The following UTP18 variants were observed in gnomAD, a reference collection of about 807,000 sequenced individuals.
The protein encoded by UTP18 is U3 small nucleolar RNA-associated protein 18 homolog.
In UTP18, 36 loss-of-function variants were observed where a neutral mutation model predicts 61.1. That is an observed-to-expected ratio of 0.59 (90% CI 0.45 to 0.78). The LOEUF is 0.78. UTP18 is among the 30% of genes least tolerant of loss of function. UTP18 has a pLI of 0.00. For missense variants in UTP18, 753 were observed against 693.9 expected, an observed-to-expected ratio of 1.09 and a Z score of -0.96; for synonymous variants, 282 against 251.1, an observed-to-expected ratio of 1.12 and a Z score of -1.16.
intron 3 of UTP18, among the ~76,000 whole-genome samples, chr17:51,267,986 G>C (rs959799394): frequency 6.7e-6 from 1 of 149,662 alleles, no homozygotes; most frequent in Non-Finnish European, 1.5e-5. Context: ...CCAGGTACCA[G>C]TTGTTGTTTT....
intron 11 of UTP18, among the ~76,000 whole-genome samples, chr17:51,289,625 A>G (rs569483032): frequency 3.3e-5 from 5 of 152,200 alleles, no homozygotes; most frequent in East Asian, 1.9e-4. Flanking sequence ...GGCAGAGCCA[A>G]TTTTCTCATT....
intron 12 of UTP18, among the ~76,000 whole-genome samples, chr17:51,294,998 C>A (rs1347162359): frequency 6.6e-6 from 1 of 151,916 alleles, no homozygotes; most frequent in Non-Finnish European, 1.5e-5. Flanking sequence ...GCATAAATGT[C>A]TTCTTTTGAG....
intron 3 of UTP18, among the ~76,000 whole-genome samples, chr17:51,266,515 A>G (rs183862413): frequency 7.2e-4 from 109 of 152,326 alleles, no homozygotes; most frequent in African/African-American, 2.4e-3. Context: ...AATATTGCTT[A>G]CTTGTTCATT....
intron 4 of UTP18, 133 bp downstream of exon 4, chr17:51,269,037 A>G (rs1904409724): frequency 2.3e-6 from 2 of 860,088 alleles, no homozygotes; most frequent in East Asian, 5.7e-5. Flanking sequence ...CTGTCATCCC[A>G]GTGCTTTGGG....
rs1408346196 is a variant in UTP18 at position 51,260,862 on chromosome 17, A to G, written c.278A>G (p.Glu93Gly). The change falls in exon 1 of 14, where the codon GAG (glutamate) becomes GGG (glycine). Residue 93 changes from glutamate (E) to glycine (G), a missense_variant. Coordinates refer to ENST00000225298, the MANE Select transcript of UTP18 (RefSeq NM_016001.3). ...CCGGCCGTGGAGCGGTGCTTGGAGG[A>G]GCTGGTCTTCGGCGACGTCGAGAAC... is the stretch of plus-strand genomic sequence containing the variant. ...DKPAVERCLE[E>G]LVFGDVENDE... 3 of 1,601,564 alleles carry G rather than the reference A, an allele frequency of 1.9e-6. No homozygotes were observed. In the South Asian group the frequency reaches 3.4e-5, roughly 18 times the overall value.
At chr17:51,272,225 A>G (rs1464949172) in intron 4 of UTP18, among the ~76,000 whole-genome samples, 1 of 151,964 alleles carries the variant, frequency 6.6e-6, no homozygotes, top group Non-Finnish European at 1.5e-5. Context: ...CAGCCTCCCA[A>G]GTAGCTGGGA....
chr17:51,273,490 T>TA, intron 5 of UTP18, 40 bp downstream of exon 5: 1 of 1,479,968 alleles, frequency 6.8e-7, no homozygotes, highest in Non-Finnish European at 9.3e-7. Context: ...TCTAACTACT[T>TA]ACCTCTGCAG....
chr17:51,284,251 A>C (rs1263667794), intron 9 of UTP18, among the ~76,000 whole-genome samples: 1 of 152,202 alleles, frequency 6.6e-6, no homozygotes, highest in African/African-American at 2.4e-5. Context: ...TGAACTTTAG[A>C]GCAATATCCT....
At position 51,296,959 on chromosome 17, in the gene UTP18, T is replaced by C; in HGVS notation, c.1647-6T>C. ...TGTTCAGATGACTTATTTTTTACTT[T>C]TCCAGGTTGCACCATTACTCAGACT... On this transcript the variant is annotated splice_region_variant and splice_polypyrimidine_tract_variant and intron_variant, in intron 12 of 13. Transcript: ENST00000225298. 1 of 1,606,254 alleles carries C rather than the reference T, an allele frequency of 6.2e-7. No homozygotes were observed. The highest frequency in any genetic ancestry group is 8.5e-7 in the Non-Finnish European group (1 of 1,177,182).
intron 1 of UTP18, 85 bp from the exon 2 acceptor site, chr17:51,263,189 A>T: frequency 9.4e-7 from 1 of 1,068,480 alleles, no homozygotes; most frequent in Non-Finnish European, 1.4e-6. Context: ...AAAACATTCT[A>T]TGAGCCATTT....
chr17:51,271,010 T>C (rs1904512591), intron 4 of UTP18, among the ~76,000 whole-genome samples: 1 of 152,188 alleles, frequency 6.6e-6, no homozygotes, highest in Non-Finnish European at 1.5e-5. Context: ...TATCTGTAAA[T>C]ATTTACTGAG....
At chr17:51,262,238 C>T (rs1276713005) in intron 1 of UTP18, among the ~76,000 whole-genome samples, 2 of 152,016 alleles carry the variant, frequency 1.3e-5, no homozygotes, top group Non-Finnish European at 2.9e-5. Context: ...TGCGCCACCA[C>T]GCCTGGCTAA....
Position 51,273,349 on chromosome 17 carries a change from T to G in UTP18, c.623-13T>G. 8 of 1,598,824 alleles carry G rather than the reference T, an allele frequency of 5.0e-6. No individual in the cohort carries two copies. Among genetic ancestry groups the G allele is most frequent in the Non-Finnish European group, 6.8e-6 (8 of 1,172,014 alleles). On this transcript the variant is annotated splice_polypyrimidine_tract_variant and intron_variant, in intron 4 of 13. Transcript: ENST00000225298. ...GATTCTAAAGATCAGCCTTCTGGGTTTGTTTGACTTAGATGAAAGTGAAGA... is the reference window on the plus strand; with the variant it reads ...GATTCTAAAGATCAGCCTTCTGGGTGTGTTTGACTTAGATGAAAGTGAAGA...
At chr17:51,275,313 A>C (rs1208407004) in intron 5 of UTP18, among the ~76,000 whole-genome samples, 1 of 152,180 alleles carries the variant, frequency 6.6e-6, no homozygotes, top group Non-Finnish European at 1.5e-5. Flanking sequence ...ACCTGTAAAA[A>C]CAAAATAAAT....
chr17:51,271,516 G>T (rs1269157364), intron 4 of UTP18, among the ~76,000 whole-genome samples: 1 of 151,840 alleles, frequency 6.6e-6, no homozygotes. Context: ...ATCTTATTAT[G>T]TTGCCCACAT....
intron 11 of UTP18, among the ~76,000 whole-genome samples, chr17:51,289,393 G>C (rs1905192258): frequency 7.0e-6 from 1 of 142,376 alleles, no homozygotes; most frequent in Admixed American, 7.0e-5. Context: ...TTTTTAAGTA[G>C]AGACGGGGTT....
chr17:51,288,180 A>C lies in UTP18; in HGVS notation c.1480A>C (p.Lys494Gln), dbSNP rs544188992. ...AGAAATCTTGGCAATTGCTTCAGAA[A>C]AAATGAAAGAAGCAGTCAGATTGGT... ...TTEILAIASEKMKEAVRLVHL... is the reference protein window; with the variant it reads ...TTEILAIASEQMKEAVRLVHL... The change falls in exon 11 of 14, where the codon AAA becomes CAA. Residue 494 changes from lysine (K) to glutamine (Q), a missense_variant. By Grantham distance (53) the Lys-to-Gln change is moderately conservative. Transcript: ENST00000225298. 1.3e-6 allele frequency: 2 copies of C among 1,591,370 alleles called. No homozygotes were observed. The highest frequency in any genetic ancestry group is 2.7e-5 in the African/African-American group (2 of 73,532).
At chr17:51,273,771 A>AAATT (rs1567701011) in intron 5 of UTP18, among the ~76,000 whole-genome samples, 1 of 150,418 alleles carries the variant, frequency 6.6e-6, no homozygotes, top group Non-Finnish European at 1.5e-5. Context: ...ATAAATAAAT[A>AAATT]AATTTTCCAG....
At chr17:51,289,224 TCTCA>T (rs1303412934) in intron 11 of UTP18, among the ~76,000 whole-genome samples, 2 of 150,538 alleles carry the variant, frequency 1.3e-5, no homozygotes, top group Non-Finnish European at 3.0e-5. Context: ...TGAGACCAAG[TCTCA>T]CTCTGTTGCC....
Sources: gnomAD v4.1 joint callset for allele counts (sites outside exome capture counted in the v4.1 genomes callset) on GRCh38, gnomAD v4.1.1 for gene constraint, MANE v1.5 for transcripts, NCBI Gene and HGNC (gene_info 2026-07-23, HGNC 2026-07-21) for gene names.